The following PUDP variants were observed in gnomAD, a reference collection of about 807,000 sequenced individuals.
PUDP encodes the protein pseudouridine-5'-phosphatase.
In PUDP, 8 loss-of-function variants were observed where a neutral mutation model predicts 9.4. The observed-to-expected ratio is 0.85, with a 90% CI of 0.50 to 1.53. The LOEUF (loss-of-function observed/expected upper bound fraction) is 1.53. PUDP is among the 40% of genes most tolerant of loss of function. PUDP has a pLI of 0.00. For synonymous variants in PUDP, 99 were observed against 80.7 expected, an observed-to-expected ratio of 1.23 and a Z score of -1.22; for missense variants, 188 against 189.7, an observed-to-expected ratio of 0.99 and a Z score of 0.05.
intron 1 of PUDP, among the ~76,000 whole-genome samples, chrX:7,124,952 A>G (rs1036915340): frequency 1.5e-4 from 16 of 110,013 alleles, no homozygotes; most frequent in African/African-American, 5.3e-4. Context: ...TGTCTCAAAA[A>G]AAAAGTAACT....
chrX:6,886,413 T>C (rs1221060942), intron 3 of PUDP, among the ~76,000 whole-genome samples: 1 of 112,135 alleles, frequency 8.9e-6, no homozygotes, highest in Non-Finnish European at 1.9e-5. Flanking sequence ...TCAAGGAAAT[T>C]TTCCAAAGCA....
intron 3 of PUDP, among the ~76,000 whole-genome samples, chrX:6,780,127 T>TATATATACATATTGTATATATACACAC (rs1925534768): frequency 1.8e-5 from 2 of 109,841 alleles, no homozygotes. Context: ...TGTATATATG[T>TATATATACATATTGTATATATACACAC]ATATATACAT....
At chrX:7,057,975 C>A (rs1339744713) in intron 3 of PUDP, among the ~76,000 whole-genome samples, 2 of 111,176 alleles carry the variant, frequency 1.8e-5, no homozygotes, top group Non-Finnish European at 3.8e-5. Context: ...CCACCTTTGG[C>A]TCCTCCCTGC....
intron 3 of PUDP, among the ~76,000 whole-genome samples, chrX:6,767,238 A>G (rs1925296582): frequency 8.8e-6 from 1 of 113,017 alleles, no homozygotes; most frequent in Non-Finnish European, 1.9e-5. Flanking sequence ...CAACCATGGC[A>G]TGCGTTTGGG....
At chrX:7,024,354 C>G (rs1243365603) in intron 1 of PUDP, among the ~76,000 whole-genome samples, 1 of 111,325 alleles carries the variant, frequency 9.0e-6, no homozygotes, top group Non-Finnish European at 1.9e-5. Flanking sequence ...TGAAGGAGTT[C>G]CTTTCAATTC....
At chrX:7,003,243 T>C (rs1008991008) in intron 1 of PUDP, among the ~76,000 whole-genome samples, 5 of 111,299 alleles carry the variant, frequency 4.5e-5, no homozygotes, top group Non-Finnish European at 9.4e-5. Context: ...ATTGTTTTCA[T>C]AGAGGGTAAA....
At chrX:6,808,551 G>T (rs1926089763) in intron 3 of PUDP, among the ~76,000 whole-genome samples, 1 of 111,631 alleles carries the variant, frequency 9.0e-6, no homozygotes. Context: ...GCCACCCTTT[G>T]CTTGACAGAA....
At chrX:6,774,675 C>T (rs1925419879) in intron 3 of PUDP, among the ~76,000 whole-genome samples, 1 of 112,067 alleles carries the variant, frequency 8.9e-6, no homozygotes, top group Non-Finnish European at 1.9e-5. Flanking sequence ...GTTGCTGTGG[C>T]TGGTTCATGG....
Position 6,919,858 on chromosome X carries a change from C to CAAAAAAAAAAAAAAAAA in PUDP, c.*247+57258_*247+57274dup, listed in dbSNP as rs58441346. ...TGGGTGACAGAGCAAGACTCCATCT[C>CAAAAAAAAAAAAAAAAA]AAAAAAAAAAAAAAAAAAAAAAAAA... On this transcript the variant is annotated intron_variant and NMD_transcript_variant, in intron 3 of 3. Transcript: ENST00000655425. Among the ~76,000 whole-genome samples, 7 of 26,491 alleles carry CAAAAAAAAAAAAAAAAA rather than the reference C, an allele frequency of 2.6e-4. 2 individuals carry two copies. Among genetic ancestry groups the CAAAAAAAAAAAAAAAAA allele is most frequent in the East Asian group, 1.1e-3 (1 of 899 alleles). 23.0% of individuals were successfully genotyped at this position (26,491 alleles called of 115,157 possible). A position where few individuals can be genotyped will look rare whatever the true frequency, so the allele number is the denominator to read the frequency against.
intron 3 of PUDP, among the ~76,000 whole-genome samples, chrX:6,868,302 GAC>G (rs763377049): frequency 8.9e-6 from 1 of 112,243 alleles, no homozygotes; most frequent in East Asian, 2.8e-4. Context: ...AGACCTCTCA[GAC>G]ACAGTGACAT....
intron 3 of PUDP, among the ~76,000 whole-genome samples, chrX:6,728,213 G>A (rs1924766086): frequency 9.0e-6 from 1 of 110,742 alleles, no homozygotes. Context: ...GAACAACATG[G>A]AGGAAACCGC....
chrX:6,907,392 G>A (rs952779833), intron 3 of PUDP, among the ~76,000 whole-genome samples: 6 of 111,632 alleles, frequency 5.4e-5, no homozygotes, highest in East Asian at 5.7e-4. Flanking sequence ...CCGTAAGAAC[G>A]GACTAATACA....
intron 3 of PUDP, among the ~76,000 whole-genome samples, chrX:6,958,342 A>G (rs1375292334): frequency 6.2e-5 from 7 of 112,160 alleles, no homozygotes; most frequent in Non-Finnish European, 1.1e-4. Context: ...TTGGACCAGT[A>G]TAAGTATGCC....
intron 3 of PUDP, among the ~76,000 whole-genome samples, chrX:6,729,001 CT>C (rs1350167017): frequency 9.0e-6 from 1 of 111,336 alleles, no homozygotes; most frequent in Non-Finnish European, 1.9e-5. Context: ...TGTCTGGCGC[CT>C]TTCTCATGAT....
At chrX:6,816,028 C>T (rs1486683808) in intron 3 of PUDP, among the ~76,000 whole-genome samples, 1 of 105,716 alleles carries the variant, frequency 9.5e-6, no homozygotes, top group Admixed American at 1.0e-4. Context: ...CAGTATATAG[C>T]TATTATATAT....
chrX:6,868,177 A>C (rs775010466), intron 3 of PUDP, among the ~76,000 whole-genome samples: 1 of 111,902 alleles, frequency 8.9e-6, no homozygotes, highest in South Asian at 3.8e-4. Flanking sequence ...TTGGGCAACA[A>C]ACAAGCACAT....
intron 1 of PUDP, among the ~76,000 whole-genome samples, chrX:6,995,123 C>T (rs1243979780): frequency 9.2e-6 from 1 of 109,179 alleles, no homozygotes; most frequent in Non-Finnish European, 1.9e-5. Flanking sequence ...TTTTTTAAAG[C>T]TCAAAATAAT....
intron 3 of PUDP, among the ~76,000 whole-genome samples, chrX:6,775,735 T>C (rs1398311600): frequency 1.8e-5 from 2 of 110,412 alleles, no homozygotes; most frequent in African/African-American, 6.6e-5. Flanking sequence ...CCCTTATGAA[T>C]GGAATTAGTG....
chrX:7,061,107 G>A (rs1282504572), intron 3 of PUDP, among the ~76,000 whole-genome samples: 1 of 111,744 alleles, frequency 8.9e-6, no homozygotes, highest in African/African-American at 3.3e-5. Context: ...GGCTGTGGGG[G>A]CTAGAGAAGA....
Sources: allele counts gnomAD v4.1 joint callset (sites outside exome capture counted in the v4.1 genomes callset), GRCh38; gene constraint gnomAD v4.1.1; transcripts MANE v1.5; gene names NCBI Gene and HGNC (gene_info 2026-07-23, HGNC 2026-07-21).